Variants in SRP72 observed in about 807,000 individuals in gnomAD.
SRP72 encodes signal recognition particle 72.
Under a neutral mutation model 96.3 loss-of-function variants are expected in SRP72, and 49 were observed. That is an observed-to-expected ratio of 0.51 (90% CI 0.40 to 0.65). The LOEUF is 0.65. Among genes scored for constraint, SRP72 ranks in the 30% least tolerant of loss-of-function variants. SRP72 has a pLI of 0.00. For synonymous variants in SRP72, 267 were observed against 275.2 expected, an observed-to-expected ratio of 0.97 and a Z score of 0.30; for missense variants, 736 against 793.3, an observed-to-expected ratio of 0.93 and a Z score of 0.87.
At chr4:56,473,055 C>T (rs1332329893) in intron 3 of SRP72, among the ~76,000 whole-genome samples, 1 of 152,030 alleles carries the variant, frequency 6.6e-6, no homozygotes, top group African/African-American at 2.4e-5. Context: ...AATTTTGTTC[C>T]TATTTTAGTA....
intron 8 of SRP72, among the ~76,000 whole-genome samples, chr4:56,482,435 G>A (rs1720537748): frequency 7.0e-6 from 1 of 142,218 alleles, no homozygotes; most frequent in African/African-American, 2.7e-5. Flanking sequence ...GTGACAGAGC[G>A]AGACTCCATC....
In SRP72 at chr4:56,500,522, T is replaced by A. The variant is rs756039874; in HGVS notation, c.1679-14T>A. 6.8e-6 allele frequency: 11 copies of A among 1,610,336 alleles called. No individual in the cohort carries two copies. The South Asian group carries it at 1.2e-4, about 18-fold the overall frequency. ...TTATGACACATCTCTCATTTCTTTA[T>A]AATCGTTATGCAGGAAAATTGCCTA... On this transcript the variant is annotated splice_polypyrimidine_tract_variant and intron_variant, in intron 17 of 18. Transcript: ENST00000642900.
At chr4:56,496,399 T>A (rs915990676) in intron 17 of SRP72, among the ~76,000 whole-genome samples, 1 of 152,232 alleles carries the variant, frequency 6.6e-6, no homozygotes, top group African/African-American at 2.4e-5. Context: ...GTACACAAGC[T>A]AATGTTTGTA....
rs755093443 is a variant in SRP72, at chr4:56,490,353, G to C, written c.1341G>C (p.Leu447Phe). The change falls in exon 14 of 19, where the codon TTG becomes TTC. Residue 447 changes from leucine (L) to phenylalanine (F), a missense_variant. Physicochemically the swap from Leu to Phe is conservative, Grantham distance 22 (BLOSUM62 0). This residue lies in a region of SRP72 where 388 missense variants were observed against 431.8 expected (regional missense o/e 0.90). Coordinates refer to ENST00000642900, the MANE Select transcript of SRP72 (RefSeq NM_006947.4). Reference sequence around the variant, plus strand: ...TGTAGCCAAAATCTCCTGCTCATTTGTCCTTGATAAGAGAAGCTGCAAACT... The same window carrying C: ...TGTAGCCAAAATCTCCTGCTCATTTCTCCTTGATAAGAGAAGCTGCAAACT... The part of the protein sequence containing the change: ...QNHQPKSPAH[L>F]SLIREAANFK... 6.2e-7 allele frequency: 1 copy of C among 1,612,730 alleles called. No homozygotes were observed. The highest frequency in any genetic ancestry group is 1.7e-5 in the Admixed American group (1 of 59,778).
chr4:56,474,106 T>A lies in SRP72; in HGVS notation c.407T>A (p.Val136Asp). 6.2e-7 allele frequency: 1 copy of A among 1,614,110 alleles called. No individual in the cohort carries two copies. Among genetic ancestry groups the A allele is most frequent in the East Asian group, 2.2e-5 (1 of 44,884 alleles). The change falls in exon 4 of 19, where the codon GTC (valine) becomes GAC (aspartate). Residue 136 changes from valine to aspartate, a missense_variant. Physicochemically the swap from Val to Asp is radical, Grantham distance 152 (BLOSUM62 -3). Transcript: ENST00000642900. Reference protein sequence around the residue: ...DECLAVYRDLVRNSQDDYDEE... With the variant: ...DECLAVYRDLDRNSQDDYDEE... ...TGCTTAGCAGTGTATAGAGATCTCG[T>A]CCGAAACTCCCAAGATGATTATGAT... is the stretch of plus-strand genomic sequence containing the variant.
rs749882839 is a variant in SRP72, at chr4:56,474,271, C to T, written c.499-9C>T. The T allele has an allele frequency of 1.9e-6, 3 of 1,613,572 alleles. No individual in the cohort carries two copies. Among genetic ancestry groups the T allele is most frequent in the East Asian group, 2.2e-5 (1 of 44,862 alleles). ...TTTAGTATTTAACTGGTATTTTGTCCCCTGACAGGAGAACCTGGGCCTCCA... is the reference window on the plus strand; with the variant it reads ...TTTAGTATTTAACTGGTATTTTGTCTCCTGACAGGAGAACCTGGGCCTCCA... On this transcript the variant is annotated splice_polypyrimidine_tract_variant and intron_variant, in intron 4 of 18. Transcript: ENST00000642900.
In SRP72 at chr4:56,474,239, A is replaced by T. The variant is rs1171516243; in HGVS notation, c.499-41A>T. 4.3e-6 allele frequency: 7 copies of T among 1,613,178 alleles called. No homozygotes were observed. The South Asian group carries it at 7.7e-5, about 18-fold the overall frequency. ...TGTACCCATACAGTCATGAATTATT[A>T]TTCATATTTAGTATTTAACTGGTAT... On this transcript the variant is annotated intron_variant, in intron 4 of 18. Coordinates refer to ENST00000642900, the MANE Select transcript of SRP72 (RefSeq NM_006947.4).
chr4:56,472,314 A>T (rs1241474522), intron 3 of SRP72, among the ~76,000 whole-genome samples: 1 of 150,760 alleles, frequency 6.6e-6, no homozygotes, highest in Non-Finnish European at 1.5e-5. Context: ...AGAAATGTGT[A>T]TCTTACAGCT....
chr4:56,491,076 T>A (rs938618421), intron 15 of SRP72, among the ~76,000 whole-genome samples: 6 of 152,108 alleles, frequency 3.9e-5, no homozygotes, highest in African/African-American at 9.7e-5. Context: ...TAAATCAGAG[T>A]GTGTTCCCAA....
rs753368813 is a variant in SRP72 at position 56,471,722 on chromosome 4, ACTCT to A, written c.239_242del (p.Leu80ProfsTer11). 11 of 1,610,108 alleles carry A rather than the reference ACTCT, an allele frequency of 6.8e-6. No individual in the cohort carries two copies. The highest frequency in any genetic ancestry group is 1.3e-5 in the African/African-American group (1 of 74,512). ...ACTGTTTTTTTTTCCTTCTTCAGTAACTCTCTCTCCTTTGAAAAGGCATATTGCG... is the reference window on the plus strand; with the variant it reads ...ACTGTTTTTTTTTCCTTCTTCAGTAACTCTCCTTTGAAAAGGCATATTGCG... On this transcript the variant is annotated frameshift_variant, in exon 3 of 19. Coordinates refer to ENST00000642900, the MANE Select transcript of SRP72 (RefSeq NM_006947.4). LOFTEE classifies it high-confidence loss of function.
rs771781930 is a variant in SRP72 at position 56,469,710 on chromosome 4, T to C, written c.167T>C (p.Ile56Thr). 1.9e-6 allele frequency: 3 copies of C among 1,613,038 alleles called. No individual in the cohort carries two copies. Among genetic ancestry groups the C allele is most frequent in the Non-Finnish European group, 1.7e-6 (2 of 1,179,252 alleles). ...CTGCATTGTAAAGTGGTATGCCTTA[T>C]CCAGAATGGAAGTTTCAAGGAAGCT... is the stretch of plus-strand genomic sequence containing the variant. The part of the protein sequence containing the change: ...TALHCKVVCL[I>T]QNGSFKEALN... Residue 56 changes from isoleucine to threonine, a missense_variant, in exon 2 of 19, where the codon ATC becomes ACC. This residue lies in a region of SRP72 where 329 missense variants were observed against 319.0 expected (regional missense o/e 1.03). Coordinates refer to ENST00000642900, the MANE Select transcript of SRP72 (RefSeq NM_006947.4).
chr4:56,494,340 A>G (rs1721005684), intron 16 of SRP72, among the ~76,000 whole-genome samples: 1 of 151,684 alleles, frequency 6.6e-6, no homozygotes, highest in Admixed American at 6.6e-5. Flanking sequence ...CTCGAGTTAT[A>G]TCACATAAGA....
chr4:56,474,489 GGAAGTTATT>G, intron 5 of SRP72, 98 bp downstream of exon 5: 2 of 1,027,454 alleles, frequency 1.9e-6, no homozygotes, highest in Non-Finnish European at 2.8e-6. Flanking sequence ...ATTATTAAAT[GGAAGTTATT>G]GATGCAGTGA....
chr4:56,495,428 C>G (rs1315698345), intron 17 of SRP72, 34 bp downstream of exon 17: 1 of 1,385,488 alleles, frequency 7.2e-7, no homozygotes, highest in Admixed American at 1.9e-5. Context: ...TAAATTTTCT[C>G]CAAAATAAAT....
In SRP72 at chr4:56,491,667, G is replaced by C. The variant is rs541784467; in HGVS notation, c.1640+99G>C. The C allele has an allele frequency of 3.4e-6, 4 of 1,183,464 alleles. No homozygotes were observed. In the Admixed American group the frequency reaches 7.2e-5, roughly 21 times the overall value. 73.3% of individuals were successfully genotyped at this position (1,183,464 alleles called of 1,614,324 possible). A position where few individuals can be genotyped will look rare whatever the true frequency, so the allele number is the denominator to read the frequency against. Reference sequence around the variant, plus strand: ...GAAATTTCATGTGAATAAAGTTCTAGTTCTCTTTGTTCCTTTTCCATTTCT... The same window carrying C: ...GAAATTTCATGTGAATAAAGTTCTACTTCTCTTTGTTCCTTTTCCATTTCT... On this transcript the variant is annotated intron_variant, in intron 16 of 18. Transcript: ENST00000642900.
At chr4:56,476,603 C>G (rs779215745) in intron 5 of SRP72, 68 bp from the exon 6 acceptor site, 1 of 1,535,996 alleles carries the variant, frequency 6.5e-7, no homozygotes, top group African/African-American at 1.4e-5. Context: ...AGATCTTGCT[C>G]TTTGGAATAG....
chr4:56,472,397 G>A (rs1027169000), intron 3 of SRP72, among the ~76,000 whole-genome samples: 1 of 146,452 alleles, frequency 6.8e-6, no homozygotes, highest in African/African-American at 2.5e-5. Flanking sequence ...CCAGGCTGGA[G>A]TGCAGTGGCA....
chr4:56,477,301 CTTTTTTTTTTTT>C (rs1229809474), intron 6 of SRP72: 3 of 65,992 alleles, frequency 4.5e-5, no homozygotes, highest in Admixed American at 2.2e-4. Flanking sequence ...CTCTCTCTCT[CTTTTTTTTTTTT>C]TTTTTTTTTG....
At chr4:56,483,331 TAGGG>T in intron 9 of SRP72, 61 bp downstream of exon 9, 1 of 1,453,902 alleles carries the variant, frequency 6.9e-7, no homozygotes, top group Non-Finnish European at 9.4e-7. Flanking sequence ...TGAGGAGTAA[TAGGG>T]ATATTAGTCT....
Sources: gnomAD v4.1 joint callset for allele counts (sites outside exome capture counted in the v4.1 genomes callset) on GRCh38, gnomAD v4.1.1 for gene constraint, gnomAD v4.1.1 regional missense constraint, MANE v1.5 for transcripts, NCBI Gene and HGNC (gene_info 2026-07-23, HGNC 2026-07-21) for gene names.